Variants in HS2ST1 observed in about 807,000 individuals in gnomAD.
HS2ST1 encodes 2-O-sulfotransferase.
In HS2ST1, 18 loss-of-function variants were observed where a neutral mutation model predicts 42.9. That is an observed-to-expected ratio of 0.42 (90% CI 0.29 to 0.62). The LOEUF is 0.62. Among genes scored for constraint, HS2ST1 ranks in the 20% least tolerant of loss-of-function variants. The probability of loss-of-function intolerance (pLI) is 0.21; values close to 1 mark genes in which losing one functional copy is unlikely to be tolerated. For synonymous variants in HS2ST1, 146 were observed against 152.9 expected (o/e 0.95, Z 0.33); for missense variants, 334 against 433.8 (o/e 0.77, Z 2.04).
At chr1:87,000,056 T>G (rs1203938128) in intron 1 of HS2ST1, among the ~76,000 whole-genome samples, 1 of 152,012 alleles carries the variant, frequency 6.6e-6, no homozygotes, top group African/African-American at 2.4e-5. Flanking sequence ...GTGTTTTCAG[T>G]TAACAGGGTT....
chr1:87,064,570 A>G (rs1209639711), intron 1 of HS2ST1: 3 of 514,422 alleles, frequency 5.8e-6, no homozygotes, highest in East Asian at 1.1e-4. Flanking sequence ...ACAAGAAAGC[A>G]TTTGTCAGTG....
intron 1 of HS2ST1, chr1:86,934,927 C>CAAAAAAAAAAAAAAAAA (rs35669188): frequency 2.1e-5 from 1 of 48,076 alleles, no homozygotes; most frequent in African/African-American, 1.1e-4. Flanking sequence ...GACTCCATCC[C>CAAAAAAAAAAAAAAAAA]AAAAAAAAAA....
At chr1:86,948,801 A>G (rs1647416691) in intron 1 of HS2ST1, among the ~76,000 whole-genome samples, 1 of 152,238 alleles carries the variant, frequency 6.6e-6, no homozygotes, top group South Asian at 2.1e-4. Flanking sequence ...TGTAGATTAC[A>G]TTAACATTTT....
intron 3 of HS2ST1, among the ~76,000 whole-genome samples, chr1:87,085,902 T>G (rs924772743): frequency 5.9e-5 from 9 of 152,236 alleles, no homozygotes; most frequent in African/African-American, 2.2e-4. Flanking sequence ...TAATCTCATT[T>G]ATTAAATGCT....
Position 87,104,683 on chromosome 1 carries a change from C to A in HS2ST1, c.1058C>A (p.Pro353His). 6.3e-7 allele frequency: 1 copy of A among 1,596,760 alleles called. No homozygotes were observed. The highest frequency in any genetic ancestry group is 8.6e-7 in the Non-Finnish European group (1 of 1,164,520). Residue 353 changes from proline (P) to histidine (H), a missense_variant, in exon 7 of 7, where the codon CCT becomes CAT. By Grantham distance (77) the Pro-to-His change is moderately conservative. Transcript: ENST00000370550. ...AACTTTTTCTATGAAAAGATTTACC[C>A]TAAGTCGAACTGAGTATAAGGTGTG... ...AQNFFYEKIY[P>H]KSN is the part of the protein sequence containing the mutation.
At chr1:87,091,044 T>C (rs1313353285) in intron 3 of HS2ST1, among the ~76,000 whole-genome samples, 2 of 152,050 alleles carry the variant, frequency 1.3e-5, no homozygotes, top group Non-Finnish European at 2.9e-5. Context: ...TTTGCACTTT[T>C]TACCATCTGT....
chr1:86,972,503 C>T (rs765225956), intron 1 of HS2ST1, among the ~76,000 whole-genome samples: 47 of 152,154 alleles, frequency 3.1e-4, no homozygotes, highest in Non-Finnish European at 5.6e-4. Flanking sequence ...CCAAGAACCA[C>T]CACACCTGGC....
At chr1:86,988,902 A>G (rs1033109985) in intron 1 of HS2ST1, among the ~76,000 whole-genome samples, 9 of 152,214 alleles carry the variant, frequency 5.9e-5, no homozygotes, top group Non-Finnish European at 2.9e-5. Context: ...AGTCTCGAAC[A>G]TTACATGCAA....
At chr1:86,933,300 T>C (rs1193273812) in intron 1 of HS2ST1, among the ~76,000 whole-genome samples, 2 of 152,196 alleles carry the variant, frequency 1.3e-5, no homozygotes, top group African/African-American at 4.8e-5. Context: ...TATCCATAGT[T>C]ACACCTTTTG....
chr1:87,070,514 C>T (rs1434565416), intron 1 of HS2ST1, among the ~76,000 whole-genome samples: 1 of 152,078 alleles, frequency 6.6e-6, no homozygotes, highest in African/African-American at 2.4e-5. Context: ...TAACCTAAGC[C>T]TGGGGAGGTC....
intron 4 of HS2ST1, among the ~76,000 whole-genome samples, chr1:87,095,209 G>T (rs1652032906): frequency 6.6e-6 from 1 of 152,138 alleles, no homozygotes. Context: ...AAGCTGGACA[G>T]GTTTTAGAAA....
chr1:86,943,625 A>G (rs961842326), intron 1 of HS2ST1, among the ~76,000 whole-genome samples: 1 of 151,702 alleles, frequency 6.6e-6, no homozygotes, highest in Non-Finnish European at 1.5e-5. Flanking sequence ...GTGAAGCTGA[A>G]GTGGGAGGAT....
intron 2 of HS2ST1, among the ~76,000 whole-genome samples, chr1:87,078,531 G>A (rs1271150025): frequency 1.3e-5 from 2 of 152,156 alleles, no homozygotes; most frequent in African/African-American, 4.8e-5. Context: ...GCATATTTCA[G>A]TCAGAGTATG....
chr1:86,968,956 T>C (rs1438639144), intron 1 of HS2ST1, among the ~76,000 whole-genome samples: 1 of 152,180 alleles, frequency 6.6e-6, no homozygotes, highest in Non-Finnish European at 1.5e-5. Context: ...AACGGAATTG[T>C]TTTTCTTTGC....
At chr1:87,045,583 T>G in intron 1 of HS2ST1, 1 of 788,742 alleles carries the variant, frequency 1.3e-6, no homozygotes, top group Non-Finnish European at 2.3e-6. Context: ...TTTCTTGGAT[T>G]TGCTTGTTTA....
At chr1:86,969,122 A>AG (rs1238113251) in intron 1 of HS2ST1, among the ~76,000 whole-genome samples, 3 of 152,204 alleles carry the variant, frequency 2.0e-5, no homozygotes, top group Non-Finnish European at 4.4e-5. Flanking sequence ...ACTTTATCTT[A>AG]ATACTTTACC....
chr1:86,973,789 C>G (rs1648309434), intron 1 of HS2ST1, among the ~76,000 whole-genome samples: 1 of 151,876 alleles, frequency 6.6e-6, no homozygotes, highest in Non-Finnish European at 1.5e-5. Context: ...CTCCTTGAAC[C>G]CAGTTTTCCA....
intron 1 of HS2ST1, among the ~76,000 whole-genome samples, chr1:86,953,866 T>G (rs544719141): frequency 3.1e-4 from 47 of 151,962 alleles, no homozygotes; most frequent in Non-Finnish European, 5.3e-4. Flanking sequence ...ATTTCAATAT[T>G]GTTGTATACC....
intron 1 of HS2ST1, among the ~76,000 whole-genome samples, chr1:86,951,410 A>T (rs929804040): frequency 1.3e-5 from 2 of 152,238 alleles, no homozygotes; most frequent in Non-Finnish European, 1.5e-5. Context: ...AAAGCAAGTG[A>T]CACGAATATT....
Sources: gnomAD v4.1 joint callset for allele counts (sites outside exome capture counted in the v4.1 genomes callset) on GRCh38, gnomAD v4.1.1 for gene constraint, MANE v1.5 for transcripts, NCBI Gene and HGNC (gene_info 2026-07-23, HGNC 2026-07-21) for gene names.